Variants in PTK2 observed in about 807,000 individuals in gnomAD.
The protein encoded by PTK2 is focal adhesion kinase 1.
Under a neutral mutation model 150.1 loss-of-function variants are expected in PTK2, and 45 were observed. The observed-to-expected ratio is 0.30, with a 90% confidence interval of 0.24 to 0.38. PTK2 has a LOEUF of 0.38. Among genes scored for constraint, PTK2 ranks in the 10% least tolerant of loss-of-function variants. The probability of loss-of-function intolerance (pLI) is 1.00; values close to 1 mark genes in which losing one functional copy is unlikely to be tolerated. For synonymous variants in PTK2, 432 were observed against 449.2 expected (o/e 0.96, Z 0.48); for missense variants, 919 against 1,307.3 (o/e 0.70, Z 4.58).
chr8:140,703,074 G>A (rs893333679), intron 24 of PTK2, among the ~76,000 whole-genome samples: 5 of 152,132 alleles, frequency 3.3e-5, no homozygotes, highest in African/African-American at 9.7e-5. Context: ...GGCCAGGCAC[G>A]GTGGCTCTAG....
exon 32 of PTK2, chr8:140,658,304 A>G (rs1203853533): frequency 1.2e-5 from 2 of 169,196 alleles, no homozygotes; most frequent in Non-Finnish European, 2.6e-5. Context: ...CTTCCTGATA[A>G]TTATTGGGAA....
At chr8:140,767,829 A>C (rs941318667) in intron 14 of PTK2, among the ~76,000 whole-genome samples, 2 of 152,076 alleles carry the variant, frequency 1.3e-5, no homozygotes, top group Non-Finnish European at 2.9e-5. Context: ...CCTGGTTTTT[A>C]GGATTGTTAA....
At chr8:140,674,033 G>A in intron 29 of PTK2, 1 of 587,732 alleles carries the variant, frequency 1.7e-6, no homozygotes, top group Non-Finnish European at 3.2e-6. Flanking sequence ...GAAGATGTAT[G>A]TAGAAAATCA....
At chr8:140,935,700 A>ATTTTTTTTT (rs1603411537) in intron 1 of PTK2, among the ~76,000 whole-genome samples, 16 of 52,446 alleles carry the variant, frequency 3.1e-4, no homozygotes, top group Admixed American at 2.1e-3. Flanking sequence ...GTATGTCCTC[A>ATTTTTTTTT]TCTTTTTTTT....
intron 4 of PTK2, among the ~76,000 whole-genome samples, chr8:140,869,027 T>G (rs1195071463): frequency 6.6e-6 from 1 of 152,146 alleles, no homozygotes; most frequent in Non-Finnish European, 1.5e-5. Flanking sequence ...TGTGTACTAT[T>G]TTGCAACTTT....
chr8:140,850,309 C>T (rs2100128394), intron 5 of PTK2, among the ~76,000 whole-genome samples: 1 of 151,672 alleles, frequency 6.6e-6, no homozygotes, highest in Admixed American at 6.6e-5. Context: ...ACCTATAATC[C>T]CAGGTACTCG....
chr8:140,770,568 T>C, intron 14 of PTK2, 148 bp downstream of exon 15: 1 of 226,394 alleles, frequency 4.4e-6, no homozygotes, highest in Non-Finnish European at 7.6e-6. Context: ...CCCAATCCCC[T>C]TATTGCTTCT....
At chr8:140,724,806 C>T (rs969076432) in intron 22 of PTK2, among the ~76,000 whole-genome samples, 6 of 152,214 alleles carry the variant, frequency 3.9e-5, no homozygotes, top group East Asian at 3.8e-4. Flanking sequence ...AAAACCCTAC[C>T]GTCTTTGCAG....
intron 14 of PTK2, among the ~76,000 whole-genome samples, chr8:140,784,139 T>C (rs770160497): frequency 1.8e-4 from 28 of 152,132 alleles, no homozygotes; most frequent in Non-Finnish European, 3.5e-4. Context: ...CATTCCAGCC[T>C]GGGTGACAAA....
intron 2 of PTK2, among the ~76,000 whole-genome samples, chr8:140,894,761 A>T (rs1190207195): frequency 6.6e-6 from 1 of 152,208 alleles, no homozygotes; most frequent in Admixed American, 6.5e-5. Flanking sequence ...TACACATGGG[A>T]GAGGTGTGAC....
intron 10 of PTK2, among the ~76,000 whole-genome samples, chr8:140,807,325 G>A (rs1273969156): frequency 4.6e-5 from 7 of 152,140 alleles, no homozygotes; most frequent in African/African-American, 9.7e-5. Flanking sequence ...GTTTCACTGC[G>A]AAAAAGAGAA....
intron 22 of PTK2, among the ~76,000 whole-genome samples, chr8:140,732,110 T>C (rs1592666401): frequency 1.3e-5 from 2 of 152,196 alleles, no homozygotes; most frequent in South Asian, 2.1e-4. Flanking sequence ...TGTTAAAATC[T>C]TGGAAATAAT....
chr8:140,868,659 G>C (rs1464852240), intron 4 of PTK2, among the ~76,000 whole-genome samples: 1 of 152,132 alleles, frequency 6.6e-6, no homozygotes, highest in Non-Finnish European at 1.5e-5. Context: ...ATGACATCTT[G>C]ACTGCAGCCG....
chr8:140,913,054 T>A (rs2100163855), intron 2 of PTK2, among the ~76,000 whole-genome samples: 1 of 152,098 alleles, frequency 6.6e-6, no homozygotes, highest in African/African-American at 2.4e-5. Flanking sequence ...AAAGGGGAAA[T>A]CTGTCTCCTC....
chr8:140,879,662 G>C, intron 3 of PTK2, 25 bp from the exon 4 acceptor site: 1 of 191,430 alleles, frequency 5.2e-6, no homozygotes, highest in Non-Finnish European at 1.0e-5. Flanking sequence ...CCACAAGAAT[G>C]ACTGTTATAA....
At chr8:140,697,178 T>C (rs965030482) in intron 26 of PTK2, among the ~76,000 whole-genome samples, 2 of 127,800 alleles carry the variant, frequency 1.6e-5, no homozygotes, top group African/African-American at 3.0e-5. Flanking sequence ...GGTACTTGAG[T>C]GGGAAAGTGC....
intron 16 of PTK2, 21 bp downstream of exon 19, chr8:140,761,144 T>C: frequency 1.3e-6 from 2 of 1,500,292 alleles, no homozygotes; most frequent in Non-Finnish European, 1.9e-6. Flanking sequence ...TCTAGTTGTT[T>C]GGTAGTCTTA....
rs186626313 is a variant in PTK2 at position 140,793,388 on chromosome 8, C to T, written c.1094-4G>A. 5.3e-5 allele frequency: 86 copies of T among 1,608,614 alleles called. No individual in the cohort carries two copies. The East Asian group carries it at 7.8e-4, about 15-fold the overall frequency. ...GATGGCAAAGCCCGTTCACCTTCTG[C>T]GGGGAAAAAGAAAAGAGATGCATAA... On this transcript the variant is annotated splice_region_variant and splice_polypyrimidine_tract_variant and intron_variant, in intron 12 of 31. Coordinates refer to ENST00000522684, the Ensembl canonical transcript of PTK2.
chr8:140,957,193 G>A (rs2100181493), intron 1 of PTK2, among the ~76,000 whole-genome samples: 2 of 152,076 alleles, frequency 1.3e-5, no homozygotes, highest in African/African-American at 4.8e-5. Context: ...TGGCACTTTG[G>A]GAGGCCGAGG....
Sources: allele counts gnomAD v4.1 joint callset (sites outside exome capture counted in the v4.1 genomes callset), GRCh38; gene constraint gnomAD v4.1.1; transcripts MANE v1.5; gene names NCBI Gene and HGNC (gene_info 2026-07-23, HGNC 2026-07-21).